Variants in IQCH observed in about 807,000 individuals in gnomAD.
The protein encoded by IQCH is IQ motif containing H.
IQCH carries 98 observed loss-of-function variants against 117.0 expected under a neutral mutation model. The observed-to-expected ratio is 0.84, with a 90% CI of 0.71 to 0.99. The LOEUF (loss-of-function observed/expected upper bound fraction) is 0.99, where lower values mean the gene tolerates loss of function less well. IQCH is among the 50% of genes least tolerant of loss of function. The pLI is 0.00. For synonymous variants in IQCH, 412 were observed against 448.2 expected (o/e 0.92, Z 1.02); for missense variants, 1,102 against 1,243.8 (o/e 0.89, Z 1.72).
Position 67,384,803 on chromosome 15 carries a change from G to C in IQCH, c.1373-133G>C. The C allele has an allele frequency of 1.6e-6, 1 of 636,702 alleles. No homozygotes were observed. The allele number at this position is 636,702 out of a possible 1,614,324, so 39.4% of individuals were successfully genotyped here. On this transcript the variant is annotated intron_variant, in intron 10 of 20. Transcript: ENST00000335894. The surrounding 1 kb of genome is among the most constrained non-coding windows in gnomAD (Gnocchi z 4.3). ...ACAAGCACCTCATTCTTCGGGATTG[G>C]GTTGTTTCTGTAAGATGCTTCAGAG...
At chr15:67,306,264 G>A (rs148677505) in intron 4 of IQCH, among the ~76,000 whole-genome samples, 1 of 152,170 alleles carries the variant, frequency 6.6e-6, no homozygotes, top group Non-Finnish European at 1.5e-5. Flanking sequence ...TAAAGCATTT[G>A]GGGATAAATG....
chr15:67,363,147 A>G (rs547344703), intron 8 of IQCH, among the ~76,000 whole-genome samples: 2 of 152,310 alleles, frequency 1.3e-5, no homozygotes, highest in East Asian at 3.8e-4. Context: ...ACCATCTTAA[A>G]GGAAGAAGAG....
chr15:67,260,231 T>G (rs1225523367), intron 1 of IQCH, among the ~76,000 whole-genome samples: 1 of 152,238 alleles, frequency 6.6e-6, no homozygotes, highest in Non-Finnish European at 1.5e-5. Flanking sequence ...CATCTGTATT[T>G]ATCTGAAGTT....
In IQCH at chr15:67,470,457, C is replaced by T. The variant is rs766318581; in HGVS notation, c.2676+5160C>T. Among the ~76,000 whole-genome samples, 4 of 152,284 alleles carry T rather than the reference C, an allele frequency of 2.6e-5. No homozygotes were observed. The East Asian group carries it at 5.8e-4, about 22-fold the overall frequency. On this transcript the variant is annotated intron_variant, in intron 17 of 20. Coordinates refer to ENST00000335894, the MANE Select transcript of IQCH (RefSeq NM_001031715.3). ...CCTCCCAAAGTGCTGGGATTACAGG[C>T]GTGAGCCACTGCGCCTGGCTGGAGT... is the stretch of plus-strand genomic sequence containing the variant.
intron 18 of IQCH, among the ~76,000 whole-genome samples, chr15:67,482,005 C>G (rs752463706): frequency 2.0e-5 from 3 of 152,242 alleles, no homozygotes; most frequent in Non-Finnish European, 2.9e-5. Context: ...GGACCGCTCA[C>G]TTGAGGCCAG....
At chr15:67,282,489 A>G (rs947582209) in intron 4 of IQCH, among the ~76,000 whole-genome samples, 3 of 152,096 alleles carry the variant, frequency 2.0e-5, no homozygotes, top group African/African-American at 7.2e-5. Context: ...AGTGGCATGG[A>G]CTATTTCCTA....
chr15:67,283,390 T>C (rs754198867), intron 4 of IQCH, among the ~76,000 whole-genome samples: 9 of 152,182 alleles, frequency 5.9e-5, no homozygotes, highest in Non-Finnish European at 1.0e-4. Context: ...ACATTTTGAG[T>C]CATACAAATA....
rs148391169 is a variant in IQCH, at chr15:67,400,796, T to C, written c.2097+491T>C. ...TTACAAGTATGAGCCACAATTTGGG[T>C]TATTTTCAGTGTTTCTTCTCTGGGC... On this transcript the variant is annotated intron_variant, in intron 14 of 20. Transcript: ENST00000335894. 3.4e-4 allele frequency among the ~76,000 whole-genome samples: 51 copies of C among 152,108 alleles called. No homozygotes were observed. The East Asian group carries it at 8.5e-3, about 25-fold the overall frequency.
chr15:67,337,777 C>G, intron 5 of IQCH, among the ~76,000 whole-genome samples: 1 of 152,162 alleles, frequency 6.6e-6, no homozygotes, highest in East Asian at 1.9e-4. Flanking sequence ...CTAAGTGGAT[C>G]CCTTTCCTAT....
At chr15:67,355,883 AG>A (rs1343496803) in intron 6 of IQCH, among the ~76,000 whole-genome samples, 2 of 152,234 alleles carry the variant, frequency 1.3e-5, no homozygotes, top group African/African-American at 4.8e-5. Flanking sequence ...ACTGTGGATT[AG>A]CCATGTGAAA....
intron 6 of IQCH, among the ~76,000 whole-genome samples, chr15:67,351,776 T>C (rs933451031): frequency 6.6e-6 from 1 of 152,242 alleles, no homozygotes; most frequent in African/African-American, 2.4e-5. Flanking sequence ...TGTCTGTTAA[T>C]ATAGCCACAT....
At position 67,391,045 on chromosome 15, in the gene IQCH, A is replaced by G. The variant is rs1971269644; in HGVS notation, c.1632+2039A>G. Among the ~76,000 whole-genome samples the G allele has an allele frequency of 6.6e-6, 1 of 152,104 alleles. No individual in the cohort carries two copies. Among genetic ancestry groups the G allele is most frequent in the Admixed American group, 6.6e-5 (1 of 15,260 alleles). ...CTCTGGTCCTCATCTATAAAATGAG[A>G]TCCTGGATTAGATCATTTCAGAGTC... On this transcript the variant is annotated intron_variant, in intron 12 of 20. Coordinates refer to ENST00000335894, the MANE Select transcript of IQCH (RefSeq NM_001031715.3). This position sits in a 1 kb window ranked among gnomAD's most constrained non-coding sequence, Gnocchi z 4.3.
At chr15:67,402,099 C>A (rs1971684133) in intron 14 of IQCH, among the ~76,000 whole-genome samples, 1 of 152,018 alleles carries the variant, frequency 6.6e-6, no homozygotes, top group African/African-American at 2.4e-5. Flanking sequence ...ATTTAGAAGC[C>A]TCATTGTGCA....
chr15:67,267,485 A>G (rs1462746541), intron 3 of IQCH, among the ~76,000 whole-genome samples: 1 of 152,184 alleles, frequency 6.6e-6, no homozygotes, highest in Admixed American at 6.5e-5. Flanking sequence ...CTTTCTCTGT[A>G]TGATTGAGAG....
intron 4 of IQCH, among the ~76,000 whole-genome samples, chr15:67,333,779 G>C (rs1968773668): frequency 1.3e-5 from 2 of 152,072 alleles, no homozygotes; most frequent in African/African-American, 4.8e-5. Flanking sequence ...ATTTTTGGCA[G>C]GGTGCAGTGG....
At chr15:67,327,029 G>T (rs1968443010) in intron 4 of IQCH, among the ~76,000 whole-genome samples, 1 of 152,066 alleles carries the variant, frequency 6.6e-6, no homozygotes. Flanking sequence ...AATATAAACA[G>T]AAATTCTTAA....
Position 67,366,764 on chromosome 15 carries a change from C to G in IQCH, c.754-5347C>G, listed in dbSNP as rs746345851. Among the ~76,000 whole-genome samples, 1 of 152,138 alleles carries G rather than the reference C, an allele frequency of 6.6e-6. No individual in the cohort carries two copies. Among genetic ancestry groups the G allele is most frequent in the Non-Finnish European group, 1.5e-5 (1 of 68,032 alleles). On this transcript the variant is annotated intron_variant, in intron 8 of 20. Coordinates refer to ENST00000335894, the MANE Select transcript of IQCH (RefSeq NM_001031715.3). This position sits in a 1 kb window ranked among gnomAD's most constrained non-coding sequence, Gnocchi z 4.4. ...ACTGAGAGCCATTGACTTGCAGGCC[C>G]CAGAATACTGGAACACTACTCTTTG...
intron 6 of IQCH, among the ~76,000 whole-genome samples, chr15:67,347,093 G>T (rs368199567): frequency 1.1e-4 from 17 of 151,384 alleles, no homozygotes; most frequent in Middle Eastern, 3.4e-3. Context: ...TCAGATTAAT[G>T]ATCTAAGCTC....
intron 20 of IQCH, among the ~76,000 whole-genome samples, chr15:67,498,720 T>A (rs1285138761): frequency 6.6e-6 from 1 of 152,040 alleles, no homozygotes; most frequent in Admixed American, 6.5e-5. Context: ...TGACCTTGGG[T>A]TAGCAATAGT....
Sources: gnomAD v4.1 joint callset for allele counts (sites outside exome capture counted in the v4.1 genomes callset) on GRCh38, gnomAD v4.1.1 for gene constraint, Gnocchi (gnomAD v3.1) non-coding constraint, MANE v1.5 for transcripts, NCBI Gene and HGNC (gene_info 2026-07-23, HGNC 2026-07-21) for gene names.